CTNND2: variants seen among roughly 807,000 people sequenced by gnomAD.
CTNND2 encodes the protein catenin delta-2.
In CTNND2, 22 loss-of-function variants were observed where a neutral mutation model predicts 144.4. That is an observed-to-expected ratio of 0.15 (90% confidence interval 0.11 to 0.22). The LOEUF (loss-of-function observed/expected upper bound fraction) is 0.22. Among genes scored for constraint, CTNND2 ranks in the 10% least tolerant of loss-of-function variants. CTNND2 has a pLI of 1.00. For missense variants in CTNND2, 1,353 were observed against 1,618.8 expected (o/e 0.84, Z 2.82); for synonymous variants, 751 against 695.6 (o/e 1.08, Z -1.25).
rs1738059136 is a variant in CTNND2, at chr5:11,903,312, G to A, written c.37+505C>T. On this transcript the variant is annotated intron_variant, in intron 1 of 21. Transcript: ENST00000304623. The surrounding 1 kb of genome is among the most constrained non-coding windows in gnomAD (Gnocchi z 5.4). ...AAGGGGGCTCAGGGTCTGGCAAGCC[G>A]CGGGAGCCTGAAGACACGGCCATGG... 2.0e-6 allele frequency: 2 copies of A among 985,852 alleles called. No homozygotes were observed. Among genetic ancestry groups the A allele is most frequent in the Non-Finnish European group, 2.4e-6 (2 of 830,276 alleles). 61.1% of individuals were successfully genotyped at this position (985,852 alleles called of 1,614,324 possible). A position where few individuals can be genotyped will look rare whatever the true frequency, so the allele number is the denominator to read the frequency against.
chr5:11,376,214 C>T (rs1226326995), intron 7 of CTNND2, among the ~76,000 whole-genome samples: 1 of 151,966 alleles, frequency 6.6e-6, no homozygotes, highest in Non-Finnish European at 1.5e-5. Context: ...TTTTTTATAG[C>T]AACCTAAACA....
At chr5:11,451,527 G>C (rs61760337) in intron 3 of CTNND2, among the ~76,000 whole-genome samples, 1,943 of 152,284 alleles carry the variant, frequency 0.013, 48 homozygotes, top group African/African-American at 0.045. Context: ...GCTCCTTGGA[G>C]CATTTTGGAT....
At chr5:11,677,589 A>C (rs1784233931) in intron 2 of CTNND2, among the ~76,000 whole-genome samples, 1 of 152,202 alleles carries the variant, frequency 6.6e-6, no homozygotes. Flanking sequence ...TTTAAGCAAA[A>C]ATACTTAAAA....
intron 2 of CTNND2, among the ~76,000 whole-genome samples, chr5:11,718,958 G>A (rs1362592316): frequency 1.3e-5 from 2 of 152,174 alleles, no homozygotes; most frequent in Non-Finnish European, 2.9e-5. Context: ...ATGGCAAAGA[G>A]TAATTCATCA....
At chr5:11,790,265 C>G (rs1791063647) in intron 1 of CTNND2, among the ~76,000 whole-genome samples, 1 of 152,160 alleles carries the variant, frequency 6.6e-6, no homozygotes, top group Admixed American at 6.5e-5. Flanking sequence ...ATTTGTCAGT[C>G]TTTCCATTAT....
chr5:11,687,976 C>T (rs1468232745), intron 2 of CTNND2, among the ~76,000 whole-genome samples: 2 of 151,960 alleles, frequency 1.3e-5, no homozygotes, highest in African/African-American at 4.8e-5. Context: ...TGGGGTTGTG[C>T]CTGGAGAGTT....
rs146172287 is a variant in CTNND2, at chr5:11,610,205, A to C, written c.175-45149T>G. Among the ~76,000 whole-genome samples the C allele has an allele frequency of 6.2e-4, 94 of 152,302 alleles. 3 individuals are homozygous for C. The East Asian group carries it at 0.017, about 27-fold the overall frequency. ...AAGACCTGGCCAGCCCAATTATAGCAGTGACCTTCATAAATGGATCCTAAG... is the reference window on the plus strand; with the variant it reads ...AAGACCTGGCCAGCCCAATTATAGCCGTGACCTTCATAAATGGATCCTAAG... On this transcript the variant is annotated intron_variant, in intron 2 of 21. Transcript: ENST00000304623.
Position 11,311,761 on chromosome 5 carries a change from T to C in CTNND2, c.1628+34611A>G, listed in dbSNP as rs142883830. Among the ~76,000 whole-genome samples, 616 of 115,206 alleles carry C rather than the reference T, an allele frequency of 5.3e-3. 4 individuals are homozygous for C. Among genetic ancestry groups the C allele is most frequent in the African/African-American group, 0.019 (560 of 28,732 alleles). 75.6% of individuals were successfully genotyped at this position (115,206 alleles called of 152,430 possible). ...CATGCCCATATGCTCACACACTCAC[T>C]CTCCATGCACCCTCACCTCACACAC... is the stretch of plus-strand genomic sequence containing the variant. On this transcript the variant is annotated intron_variant, in intron 9 of 21. Coordinates refer to ENST00000304623, the MANE Select transcript of CTNND2 (RefSeq NM_001332.4).
At chr5:11,318,460 C>T (rs191066375) in intron 9 of CTNND2, among the ~76,000 whole-genome samples, 56 of 152,292 alleles carry the variant, frequency 3.7e-4, no homozygotes, top group African/African-American at 1.2e-3. Flanking sequence ...CCAGTCCATG[C>T]CCCCTCCCAC....
chr5:11,419,768 A>C (rs918001989), intron 3 of CTNND2, among the ~76,000 whole-genome samples: 1 of 152,232 alleles, frequency 6.6e-6, no homozygotes, highest in Non-Finnish European at 1.5e-5. Context: ...TCTTAATGCC[A>C]GGAAAAGACA....
chr5:11,329,047 T>A (rs1350877834), intron 9 of CTNND2, among the ~76,000 whole-genome samples: 1 of 152,232 alleles, frequency 6.6e-6, no homozygotes, highest in Non-Finnish European at 1.5e-5. Context: ...ACTGTCCTCA[T>A]GAGGTCTTTC....
chr5:11,285,572 G>A (rs114410400), intron 9 of CTNND2, among the ~76,000 whole-genome samples: 2,285 of 152,308 alleles, frequency 0.015, 60 homozygotes, highest in African/African-American at 0.053. Flanking sequence ...AAGCCAGAAT[G>A]AGGGGGATTT....
intron 2 of CTNND2, among the ~76,000 whole-genome samples, chr5:11,701,375 A>C (rs1279615820): frequency 1.3e-5 from 2 of 152,202 alleles, no homozygotes; most frequent in Non-Finnish European, 2.9e-5. Flanking sequence ...ATGAAGTATA[A>C]GTAAATCCAA....
intron 3 of CTNND2, among the ~76,000 whole-genome samples, chr5:11,560,745 T>C (rs1157142143): frequency 5.3e-5 from 8 of 152,164 alleles, no homozygotes; most frequent in Non-Finnish European, 8.8e-5. Flanking sequence ...ACTAGATCCA[T>C]AGGCAGAGGT....
At chr5:11,832,018 T>TG (rs1234965090) in intron 1 of CTNND2, among the ~76,000 whole-genome samples, 3 of 152,288 alleles carry the variant, frequency 2.0e-5, no homozygotes, top group African/African-American at 7.2e-5. Context: ...GCACAGTGGC[T>TG]TATGCCTGTA....
chr5:11,849,799 G>A (rs1214491316), intron 1 of CTNND2, among the ~76,000 whole-genome samples: 1 of 152,172 alleles, frequency 6.6e-6, no homozygotes, highest in East Asian at 1.9e-4. Context: ...CTGGCACAGT[G>A]AGAAACAGAG....
rs1340840520 is a variant in CTNND2 at position 11,339,001 on chromosome 5, A to G, written c.1628+7371T>C. Among the ~76,000 whole-genome samples the G allele has an allele frequency of 7.8e-4, 6 of 7,706 alleles. 3 individuals are homozygous for G. Among genetic ancestry groups the G allele is most frequent in the Non-Finnish European group, 1.1e-3 (6 of 5,380 alleles). 5.1% of individuals were successfully genotyped at this position (7,706 alleles called of 152,430 possible). A position where few individuals can be genotyped will look rare whatever the true frequency, so the allele number is the denominator to read the frequency against. ...CGCCCAGGCTGGAGTGCAGTGGCGC[A>G]ATCTCGGCTCACTGCAGGCTCCGCC... On this transcript the variant is annotated intron_variant, in intron 9 of 21. Coordinates refer to ENST00000304623, the MANE Select transcript of CTNND2 (RefSeq NM_001332.4).
chr5:11,388,055 G>T (rs946232274), intron 6 of CTNND2, among the ~76,000 whole-genome samples: 1 of 152,138 alleles, frequency 6.6e-6, no homozygotes, highest in Non-Finnish European at 1.5e-5. Context: ...ATTTTGACAA[G>T]CTACGGCAAC....
intron 16 of CTNND2, among the ~76,000 whole-genome samples, chr5:11,032,463 A>T (rs1453262125): frequency 6.6e-6 from 1 of 152,186 alleles, no homozygotes; most frequent in Non-Finnish European, 1.5e-5. Context: ...TATATGCAAA[A>T]AATATATATT....
Sources: allele counts gnomAD v4.1 joint callset (sites outside exome capture counted in the v4.1 genomes callset), GRCh38; gene constraint gnomAD v4.1.1; non-coding constraint Gnocchi (gnomAD v3.1); transcripts MANE v1.5; gene names NCBI Gene and HGNC (gene_info 2026-07-23, HGNC 2026-07-21).